The following LAP3 variants were observed in gnomAD, a reference collection of about 807,000 sequenced individuals.
The protein encoded by LAP3 is cytosol aminopeptidase.
Under a neutral mutation model 58.8 loss-of-function variants are expected in LAP3, and 46 were observed. That is an observed-to-expected ratio of 0.78 (90% CI 0.62 to 1.00). The LOEUF is 1.00. Among genes scored for constraint, LAP3 ranks in the 50% least tolerant of loss-of-function variants. LAP3 has a pLI of 0.00. For synonymous variants in LAP3, 257 were observed against 237.7 expected (o/e 1.08, Z -0.75); for missense variants, 615 against 659.1 (o/e 0.93, Z 0.73).
intron 10 of LAP3, among the ~76,000 whole-genome samples, chr4:17,604,019 A>C (rs10002358): frequency 0.63 from 95,780 of 151,470 alleles, 30,707 homozygotes; most frequent in East Asian, 0.89. Flanking sequence ...CGGGGTTTCT[A>C]CATGTTGGCC....
chr4:17,585,222 G>A, intron 6 of LAP3, 86 bp downstream of exon 6: 3 of 1,143,640 alleles, frequency 2.6e-6, no homozygotes, highest in Non-Finnish European at 3.9e-6. Context: ...TCACTTTTTA[G>A]AGGAATAACT....
chr4:17,604,687 A>T lies in LAP3; in HGVS notation c.1260+20A>T, dbSNP rs373214602. 2.6e-6 allele frequency: 4 copies of T among 1,522,770 alleles called. No individual in the cohort carries two copies. In the Admixed American group the frequency reaches 6.7e-5, roughly 25 times the overall value. 94.3% of individuals were successfully genotyped at this position (1,522,770 alleles called of 1,614,324 possible). ...TTCGAGGTAGGAATAATATTTGTAT[A>T]TCTAAATTGTAGAGATGGTGAATAA... is the stretch of plus-strand genomic sequence containing the variant. On this transcript the variant is annotated intron_variant, in intron 11 of 12. Coordinates refer to ENST00000226299, the MANE Select transcript of LAP3 (RefSeq NM_015907.3).
In LAP3 at chr4:17,577,361, C is replaced by T. The variant is rs966688760; in HGVS notation, c.-105C>T. The T allele has an allele frequency of 1.2e-6, 1 of 828,486 alleles. No individual in the cohort carries two copies. 51.3% of individuals were successfully genotyped at this position (828,486 alleles called of 1,614,324 possible). The stretch of plus-strand genomic sequence containing the variant: ...CCGCTCGCCCGGCGCCCGAGCCAGT[C>T]CGCGCGCACGCCGTCTGCGCCCCGA... On this transcript the variant is annotated 5_prime_UTR_variant, in exon 1 of 13. Transcript: ENST00000226299.
chr4:17,583,764 C>G (rs1713427999), intron 5 of LAP3, 122 bp downstream of exon 5: 24 of 996,446 alleles, frequency 2.4e-5, no homozygotes, highest in Non-Finnish European at 3.6e-5. Flanking sequence ...TGTGACCTCC[C>G]CATTGCCTCA....
intron 8 of LAP3, among the ~76,000 whole-genome samples, chr4:17,596,473 G>A (rs1713834674): frequency 6.6e-6 from 1 of 152,080 alleles, no homozygotes; most frequent in Non-Finnish European, 1.5e-5. Flanking sequence ...TTGAGTAGCT[G>A]GGATTACAGG....
At chr4:17,584,253 G>A (rs1047976098) in intron 5 of LAP3, among the ~76,000 whole-genome samples, 1 of 152,230 alleles carries the variant, frequency 6.6e-6, no homozygotes, top group Admixed American at 6.5e-5. Context: ...TGCTGGTTAC[G>A]TGGCTGAAAT....
At position 17,598,522 on chromosome 4, in the gene LAP3, A is replaced by C; in HGVS notation, c.1144A>C (p.Asn382His). ...TGCGCTCTGTTACGCACACACGTTTAACCCGAAGGTCATCCTCAATGCCGC... is the reference window on the plus strand; with the variant it reads ...TGCGCTCTGTTACGCACACACGTTTCACCCGAAGGTCATCCTCAATGCCGC... Reference protein sequence around the residue: ...ADALCYAHTFNPKVILNAATL... With the variant: ...ADALCYAHTFHPKVILNAATL... Residue 382 changes from asparagine (N) to histidine (H), a missense_variant, in exon 10 of 13, where the codon AAC (asparagine) becomes CAC (histidine). Coordinates refer to ENST00000226299, the MANE Select transcript of LAP3 (RefSeq NM_015907.3). 1 of 1,614,120 alleles carries C rather than the reference A, an allele frequency of 6.2e-7. No homozygotes were observed. Among genetic ancestry groups the C allele is most frequent in the Non-Finnish European group, 8.5e-7 (1 of 1,179,994 alleles).
Position 17,604,646 on chromosome 4 carries a change from G to T in LAP3, c.1239G>T (p.Trp413Cys), listed in dbSNP as rs1298246807. The T allele has an allele frequency of 1.1e-5, 18 of 1,612,878 alleles. No individual in the cohort carries two copies. The highest frequency in any genetic ancestry group is 1.4e-5 in the Non-Finnish European group (17 of 1,178,960). ...CTGGGGTCTTTACCAATTCATCCTG[G>T]CTCTGGAACAAACTCTTCGAGGTAG... ...GATGVFTNSS[W>C]LWNKLFEASI... The change falls in exon 11 of 13, where the codon TGG (tryptophan) becomes TGT (cysteine). Residue 413 changes from tryptophan (W) to cysteine (C), a missense_variant. Transcript: ENST00000226299.
At chr4:17,592,852 A>T (rs1254319587) in intron 7 of LAP3, among the ~76,000 whole-genome samples, 1 of 152,246 alleles carries the variant, frequency 6.6e-6, no homozygotes, top group East Asian at 1.9e-4. Flanking sequence ...TCTGTCACCC[A>T]GGCTGGAGTG....
chr4:17,581,198 A>G (rs1332964296), intron 2 of LAP3, among the ~76,000 whole-genome samples: 3 of 152,258 alleles, frequency 2.0e-5, no homozygotes, highest in Admixed American at 6.5e-5. Context: ...GAGAAACCAC[A>G]TAGATATACA....
chr4:17,594,835 C>A (rs775773672), intron 7 of LAP3, among the ~76,000 whole-genome samples: 1 of 152,136 alleles, frequency 6.6e-6, no homozygotes, highest in Non-Finnish European at 1.5e-5. Context: ...TTCTTAACAG[C>A]TCATGACCTT....
chr4:17,607,299 T>C, intron 12 of LAP3, 101 bp from the exon 13 acceptor site: 1 of 955,824 alleles, frequency 1.0e-6, no homozygotes, highest in Non-Finnish European at 1.6e-6. Context: ...TCTTACAAGC[T>C]TGACTCTTGT....
At chr4:17,596,940 G>A in intron 8 of LAP3, 106 bp from the exon 9 acceptor site, 1 of 875,482 alleles carries the variant, frequency 1.1e-6, no homozygotes, top group South Asian at 1.4e-5. Context: ...TCGTTAAGGT[G>A]GCCTTTGTGT....
intron 10 of LAP3, 85 bp downstream of exon 10, chr4:17,598,643 T>G: frequency 1.0e-6 from 1 of 965,934 alleles, no homozygotes; most frequent in Non-Finnish European, 1.6e-6. Flanking sequence ...GTGGCATTAT[T>G]TTGCTAAAAT....
intron 7 of LAP3, among the ~76,000 whole-genome samples, chr4:17,594,206 T>TA (rs138586627): frequency 0.016 from 2,362 of 152,254 alleles, 70 homozygotes; most frequent in African/African-American, 0.054. Flanking sequence ...TCATAGGAAT[T>TA]AGAGAGCAGA....
At chr4:17,603,200 T>C (rs913763555) in intron 10 of LAP3, among the ~76,000 whole-genome samples, 4 of 151,516 alleles carry the variant, frequency 2.6e-5, no homozygotes, top group African/African-American at 9.7e-5. Flanking sequence ...TCCCAGCTAC[T>C]CAGGATGCTG....
intron 8 of LAP3, 33 bp from the exon 9 acceptor site, chr4:17,597,013 A>G (rs373105110): frequency 6.2e-6 from 10 of 1,607,844 alleles, no homozygotes; most frequent in South Asian, 2.2e-5. Flanking sequence ...GACCCAGTAT[A>G]TACTGTGTGC....
intron 7 of LAP3, among the ~76,000 whole-genome samples, chr4:17,592,269 C>T (rs970141081): frequency 1.3e-5 from 2 of 152,144 alleles, no homozygotes; most frequent in African/African-American, 2.4e-5. Flanking sequence ...TCCAGACAGC[C>T]GATCATCTTC....
In LAP3 at chr4:17,584,962, C is replaced by T. The variant is rs78538107; in HGVS notation, c.540-10C>T. On this transcript the variant is annotated splice_polypyrimidine_tract_variant and intron_variant, in intron 5 of 12. Transcript: ENST00000226299. ...GTTGTTTGACAGTCACTTTATCTTTCTTCTGCCAGTGGGGATCAGGAGGCC... is the reference window on the plus strand; with the variant it reads ...GTTGTTTGACAGTCACTTTATCTTTTTTCTGCCAGTGGGGATCAGGAGGCC... The T allele has an allele frequency of 7.3e-5, 117 of 1,612,194 alleles. No homozygotes were observed. The African/African-American group carries it at 1.5e-3, about 20-fold the overall frequency.
Sources: allele counts gnomAD v4.1 joint callset (sites outside exome capture counted in the v4.1 genomes callset), GRCh38; gene constraint gnomAD v4.1.1; transcripts MANE v1.5; gene names NCBI Gene and HGNC (gene_info 2026-07-23, HGNC 2026-07-21).